The following GPAT3 variants were observed in gnomAD, a reference collection of about 807,000 sequenced individuals.
GPAT3 encodes the protein 1-AGP acyltransferase 9.
A neutral mutation model predicts 58.8 loss-of-function variants in GPAT3; 53 were observed. The observed-to-expected ratio is 0.90, with a 90% CI of 0.72 to 1.13. GPAT3 has a LOEUF of 1.13. Among genes scored for constraint, GPAT3 ranks in the 50% most tolerant of loss-of-function variants. GPAT3 has a pLI of 0.00. For synonymous variants in GPAT3, 197 were observed against 187.4 expected (o/e 1.05, Z -0.42); for missense variants, 511 against 527.6 (o/e 0.97, Z 0.31).
At chr4:83,540,660 G>A (rs868102431) in intron 1 of GPAT3, among the ~76,000 whole-genome samples, 1 of 152,080 alleles carries the variant, frequency 6.6e-6, no homozygotes, top group Non-Finnish European at 1.5e-5. Context: ...GCCACCCTTG[G>A]TATTGTCCCT....
At chr4:83,544,675 T>C (rs566225310) in intron 2 of GPAT3, 73 bp downstream of exon 2, 6 of 1,395,492 alleles carry the variant, frequency 4.3e-6, no homozygotes, top group Non-Finnish European at 6.1e-6. Flanking sequence ...AATTTGAACT[T>C]GAAATATGCA....
At chr4:83,556,501 A>G (rs1724945955) in intron 2 of GPAT3, among the ~76,000 whole-genome samples, 1 of 145,676 alleles carries the variant, frequency 6.9e-6, no homozygotes, top group African/African-American at 2.5e-5. Flanking sequence ...CAGTCTCAAG[A>G]AAAAAAAAAA....
At chr4:83,598,836 A>G in intron 11 of GPAT3, 113 bp downstream of exon 11, 3 of 718,022 alleles carry the variant, frequency 4.2e-6, no homozygotes, top group Non-Finnish European at 6.4e-6. Context: ...TAGCATGATC[A>G]TAGTTCACTG....
At chr4:83,556,433 G>T (rs898601527) in intron 2 of GPAT3, among the ~76,000 whole-genome samples, 1 of 152,004 alleles carries the variant, frequency 6.6e-6, no homozygotes, top group African/African-American at 2.4e-5. Flanking sequence ...AGGAGGTGGA[G>T]GTTGCAGTGA....
intron 2 of GPAT3, among the ~76,000 whole-genome samples, chr4:83,567,661 G>C (rs1329048937): frequency 1.3e-5 from 2 of 152,086 alleles, no homozygotes; most frequent in African/African-American, 4.8e-5. Context: ...GGCCAGGAGT[G>C]GTGGCTTATG....
intron 2 of GPAT3, among the ~76,000 whole-genome samples, chr4:83,551,924 T>TA (rs1391181354): frequency 2.0e-5 from 3 of 151,440 alleles, no homozygotes; most frequent in Non-Finnish European, 4.4e-5. Flanking sequence ...ATTGTAAACA[T>TA]AAAAAAGAGA....
chr4:83,573,388 C>T (rs894284420), intron 2 of GPAT3, among the ~76,000 whole-genome samples: 1 of 152,180 alleles, frequency 6.6e-6, no homozygotes, highest in Non-Finnish European at 1.5e-5. Context: ...ATCTGCCCAC[C>T]TCAGCCTCCC....
At chr4:83,597,389 C>A (rs1726882546) in intron 8 of GPAT3, 41 bp from the exon 9 acceptor site, 4 of 1,026,306 alleles carry the variant, frequency 3.9e-6, no homozygotes, top group Non-Finnish European at 4.1e-6. Context: ...AAAATGACTG[C>A]CTTTAAAAAT....
At chr4:83,565,217 C>T (rs1361153551) in intron 2 of GPAT3, among the ~76,000 whole-genome samples, 1 of 152,060 alleles carries the variant, frequency 6.6e-6, no homozygotes. Flanking sequence ...TCTCCTGCCT[C>T]AGCCTCCCAA....
At chr4:83,585,799 C>G (rs1182386815) in intron 3 of GPAT3, among the ~76,000 whole-genome samples, 1 of 152,162 alleles carries the variant, frequency 6.6e-6, no homozygotes, top group Non-Finnish European at 1.5e-5. Flanking sequence ...GTTGGCCAGG[C>G]TGGTCTCGAA....
chr4:83,575,801 T>C (rs996227747), intron 2 of GPAT3, among the ~76,000 whole-genome samples: 1 of 152,236 alleles, frequency 6.6e-6, no homozygotes, highest in Non-Finnish European at 1.5e-5. Context: ...TCTTTTACAG[T>C]ACAGATTTTC....
chr4:83,584,970 A>G (rs1047406977), intron 3 of GPAT3, among the ~76,000 whole-genome samples: 3 of 152,220 alleles, frequency 2.0e-5, no homozygotes, highest in Non-Finnish European at 4.4e-5. Context: ...TCTAGCAAAT[A>G]AAAAGTTTCA....
At chr4:83,564,193 T>C (rs1257542078) in intron 2 of GPAT3, among the ~76,000 whole-genome samples, 1 of 152,178 alleles carries the variant, frequency 6.6e-6, no homozygotes, top group Non-Finnish European at 1.5e-5. Flanking sequence ...ATGTTGTAAA[T>C]ATATGTCTAA....
At chr4:83,567,549 G>T (rs1307425231) in intron 2 of GPAT3, among the ~76,000 whole-genome samples, 1 of 152,144 alleles carries the variant, frequency 6.6e-6, no homozygotes. Context: ...TTTTACAGTT[G>T]ATTCTTATAC....
chr4:83,579,155 CTT>C (rs1560621706), intron 2 of GPAT3, among the ~76,000 whole-genome samples: 1 of 133,460 alleles, frequency 7.5e-6, no homozygotes, highest in African/African-American at 2.7e-5. Context: ...CCCTCTCTCT[CTT>C]TCTCTCTTTC....
At chr4:83,581,498 T>C in intron 2 of GPAT3, 64 bp from the exon 3 acceptor site, 1 of 1,526,548 alleles carries the variant, frequency 6.6e-7, no homozygotes, top group Non-Finnish European at 8.9e-7. Context: ...ACAGTTAAAG[T>C]TGCCCTTTTG....
chr4:83,572,796 A>G (rs1209514824), intron 2 of GPAT3, among the ~76,000 whole-genome samples: 1 of 152,244 alleles, frequency 6.6e-6, no homozygotes, highest in Non-Finnish European at 1.5e-5. Context: ...GATAATCAGG[A>G]TCACAAAGGA....
intron 2 of GPAT3, among the ~76,000 whole-genome samples, chr4:83,554,715 A>G (rs1489476158): frequency 6.6e-6 from 1 of 151,660 alleles, no homozygotes; most frequent in Non-Finnish European, 1.5e-5. Context: ...CTTCCTTACT[A>G]GCTCCTCTGG....
intron 3 of GPAT3, among the ~76,000 whole-genome samples, chr4:83,582,552 A>G (rs1435713058): frequency 6.6e-6 from 1 of 152,194 alleles, no homozygotes; most frequent in Non-Finnish European, 1.5e-5. Context: ...ACCAGCCACA[A>G]CATTATTGTT....
Sources: gnomAD v4.1 joint callset for allele counts (sites outside exome capture counted in the v4.1 genomes callset) on GRCh38, gnomAD v4.1.1 for gene constraint, MANE v1.5 for transcripts, NCBI Gene and HGNC (gene_info 2026-07-23, HGNC 2026-07-21) for gene names.